The following AHCY variants were observed in gnomAD, a reference collection of about 807,000 sequenced individuals.
AHCY encodes S-adenosyl-L-homocysteine hydrolase.
In AHCY, 24 loss-of-function variants were observed where a neutral mutation model predicts 45.4. The observed-to-expected ratio is 0.53, with a 90% CI of 0.38 to 0.74. The LOEUF (loss-of-function observed/expected upper bound fraction) is 0.74. Ranked by LOEUF, AHCY falls within the 30% of genes least tolerant of loss-of-function variation. The pLI is 0.00. For missense variants in AHCY, 449 were observed against 594.1 expected, an observed-to-expected ratio of 0.76 and a Z score of 2.54; for synonymous variants, 245 against 235.1, an observed-to-expected ratio of 1.04 and a Z score of -0.39.
chr20:34,279,506 CTTGTG>C (rs747234788), downstream of AHCY, among the ~76,000 whole-genome samples: 14 of 152,068 alleles, frequency 9.2e-5, no homozygotes, highest in Non-Finnish European at 1.9e-4. Context: ...GTTTTGACCA[CTTGTG>C]TTGTGGTCAG....
At chr20:34,311,448 C>T (rs1369112906) in intron 1 of AHCY, 1 of 152,260 alleles carries the variant, frequency 6.6e-6, no homozygotes, top group Non-Finnish European at 1.5e-5. Flanking sequence ...GGTCCCGGTC[C>T]CTCCTCCCGA....
At chr20:34,232,530 G>A in the AHCY span, among the ~76,000 whole-genome samples, 6 of 152,068 alleles carry the variant, frequency 3.9e-5, no homozygotes, top group Non-Finnish European at 8.8e-5. Flanking sequence ...CTGCAGTATT[G>A]ACCTCAGAGT....
rs752264836 is a variant in AHCY, at chr20:34,290,504, C to T, written c.854+47G>A. ...TGTCAGGGACAGAAAGCTGTCCCAA[C>T]TCTGCCCTCCTCCCTCACTCCCCGG... On this transcript the variant is annotated intron_variant, in intron 7 of 9. Transcript: ENST00000217426. The surrounding 1 kb of genome is among the most constrained non-coding windows in gnomAD (Gnocchi z 4.5). 5 of 1,613,602 alleles carry T rather than the reference C, an allele frequency of 3.1e-6. No homozygotes were observed. The highest frequency in any genetic ancestry group is 4.2e-6 in the Non-Finnish European group (5 of 1,179,500).
chr20:34,298,744 C>T (rs1012821030), intron 1 of AHCY, among the ~76,000 whole-genome samples: 21 of 152,262 alleles, frequency 1.4e-4, no homozygotes, highest in Non-Finnish European at 2.5e-4. Flanking sequence ...TGATGCTGTG[C>T]TTCAGTGGTC....
chr20:34,263,661 CT>C, the AHCY span, among the ~76,000 whole-genome samples: 164 of 134,286 alleles, frequency 1.2e-3, 1 homozygote, highest in East Asian at 2.0e-3. Flanking sequence ...TATTTTATGT[CT>C]TTTTTTTTTT....
rs1299707357 is a variant in AHCY at position 34,290,263 on chromosome 20, C to T, written c.972+69G>A. 2 of 1,484,332 alleles carry T rather than the reference C, an allele frequency of 1.3e-6. No homozygotes were observed. Among genetic ancestry groups the T allele is most frequent in the Non-Finnish European group, 1.9e-6 (2 of 1,067,972 alleles). 91.9% of individuals were successfully genotyped at this position (1,484,332 alleles called of 1,614,324 possible). On this transcript the variant is annotated intron_variant, in intron 8 of 9. Transcript: ENST00000217426. This position sits in a 1 kb window ranked among gnomAD's most constrained non-coding sequence, Gnocchi z 4.5. ...GGTTGCCACCATCTCCTCAGCTCTCCTCCCTGGCAGCCAGCACTCCTCTGC... is the reference window on the plus strand; with the variant it reads ...GGTTGCCACCATCTCCTCAGCTCTCTTCCCTGGCAGCCAGCACTCCTCTGC...
the AHCY span, among the ~76,000 whole-genome samples, chr20:34,237,868 G>A: frequency 6.6e-6 from 1 of 152,164 alleles, no homozygotes; most frequent in Non-Finnish European, 1.5e-5. Context: ...ATGAAATTAT[G>A]TTAGAGTTTG....
In AHCY at chr20:34,290,350, C is replaced by G; in HGVS notation, c.954G>C (p.Lys318Asn). The G allele has an allele frequency of 1.2e-6, 2 of 1,614,178 alleles. No homozygotes were observed. Among genetic ancestry groups the G allele is most frequent in the Non-Finnish European group, 1.7e-6 (2 of 1,180,038 alleles). ...VKWLNENAVEKVNIKPQVDRY... is the reference protein window; with the variant it reads ...VKWLNENAVENVNIKPQVDRY... Reference sequence around the variant, plus strand: ...TTCTCACCTGCGGCTTGATGTTCACCTTCTCCACGGCGTTCTCGTTGAGCC... The same window carrying G: ...TTCTCACCTGCGGCTTGATGTTCACGTTCTCCACGGCGTTCTCGTTGAGCC... Residue 318 changes from lysine to asparagine, a missense_variant, in exon 8 of 10, where the codon AAG (lysine) becomes AAC (asparagine). Coordinates refer to ENST00000217426, the MANE Select transcript of AHCY (RefSeq NM_000687.4). The surrounding 1 kb of genome is among the most constrained non-coding windows in gnomAD (Gnocchi z 4.5).
At chr20:34,267,507 T>TTTTAAA in the AHCY span, among the ~76,000 whole-genome samples, 1 of 148,500 alleles carries the variant, frequency 6.7e-6, no homozygotes, top group African/African-American at 2.5e-5. Context: ...AGCTACATAA[T>TTTTAAA]TTTAAATTTG....
intron 3 of AHCY, among the ~76,000 whole-genome samples, chr20:34,293,278 C>T (rs1335277398): frequency 1.3e-5 from 2 of 152,060 alleles, no homozygotes; most frequent in African/African-American, 4.8e-5. Context: ...ACACTCCTCC[C>T]ATGTGGCATG....
At chr20:34,297,504 G>A (rs2036613212) in intron 1 of AHCY, among the ~76,000 whole-genome samples, 1 of 151,912 alleles carries the variant, frequency 6.6e-6, no homozygotes, top group Admixed American at 6.6e-5. Flanking sequence ...CACCATGTTG[G>A]CCAGGCTGAT....
chr20:34,245,122 T>A, the AHCY span, among the ~76,000 whole-genome samples: 30 of 151,534 alleles, frequency 2.0e-4, no homozygotes, highest in East Asian at 4.7e-3. Flanking sequence ...AATCACGAGG[T>A]CAGGAGTTCG....
chr20:34,263,274 T>C, the AHCY span, among the ~76,000 whole-genome samples: 3 of 152,212 alleles, frequency 2.0e-5, no homozygotes, highest in Admixed American at 2.0e-4. Context: ...TGTTTAAAAT[T>C]AAATCTTAGG....
At chr20:34,236,506 T>C in the AHCY span, among the ~76,000 whole-genome samples, 2 of 151,464 alleles carry the variant, frequency 1.3e-5, no homozygotes, top group Non-Finnish European at 1.5e-5. Flanking sequence ...ATTGCACCAC[T>C]GCACTCCAGC....
the AHCY span, among the ~76,000 whole-genome samples, chr20:34,261,277 T>C: frequency 6.6e-6 from 1 of 152,002 alleles, no homozygotes; most frequent in Non-Finnish European, 1.5e-5. Context: ...GGCATGAGGA[T>C]TGTTTGAGCC....
At chr20:34,233,246 C>G in the AHCY span, among the ~76,000 whole-genome samples, 1 of 147,356 alleles carries the variant, frequency 6.8e-6, no homozygotes, top group African/African-American at 2.6e-5. Context: ...CTCCTGGGTT[C>G]ACCCCATTCT....
rs976564315 is a variant in AHCY at position 34,295,431 on chromosome 20, G to C, written c.183C>G (p.Ala61=). 6.2e-7 allele frequency: 1 copy of C among 1,614,104 alleles called. No individual in the cohort carries two copies. The highest frequency in any genetic ancestry group is 2.2e-5 in the East Asian group (1 of 44,878). Residue 61 remains alanine (A), a synonymous_variant, in exon 2 of 10, where the codon GCC becomes GCG. Coordinates refer to ENST00000217426, the MANE Select transcript of AHCY (RefSeq NM_000687.4). ...GGGTGACGAGGGTCTCAATGAGGAC[G>C]GCCGTCTCCACGGTCATGTGCAGGC... ...AGCLHMTVET[A]VLIETLVTLG...
At chr20:34,236,861 T>G in the AHCY span, among the ~76,000 whole-genome samples, 1 of 152,210 alleles carries the variant, frequency 6.6e-6, no homozygotes, top group Non-Finnish European at 1.5e-5. Context: ...GGTCTATGAT[T>G]CATTTTGGGT....
chr20:34,235,832 AGAAAGAAAGAAG>A, the AHCY span, among the ~76,000 whole-genome samples: 24 of 67,486 alleles, frequency 3.6e-4, no homozygotes, highest in Non-Finnish European at 3.6e-4. Context: ...AAAGAAAGAA[AGAAAGAAAGAAG>A]GAAGGAAGGA....
Sources: gnomAD v4.1 joint callset for allele counts (sites outside exome capture counted in the v4.1 genomes callset) on GRCh38, gnomAD v4.1.1 for gene constraint, Gnocchi (gnomAD v3.1) non-coding constraint, MANE v1.5 for transcripts, NCBI Gene and HGNC (gene_info 2026-07-23, HGNC 2026-07-21) for gene names.